The following CYP19A1 variants were observed in gnomAD, a reference collection of about 807,000 sequenced individuals.
The protein encoded by CYP19A1 is aromatase.
CYP19A1 carries 32 observed loss-of-function variants against 44.4 expected under a neutral mutation model. That is an observed-to-expected ratio of 0.72 (90% confidence interval 0.54 to 0.97). The LOEUF (loss-of-function observed/expected upper bound fraction) is 0.97. Among genes scored for constraint, CYP19A1 ranks in the 50% least tolerant of loss-of-function variants. The pLI is 0.00. For missense variants in CYP19A1, 598 were observed against 637.8 expected, an observed-to-expected ratio of 0.94 and a Z score of 0.67; for synonymous variants, 212 against 215.6, an observed-to-expected ratio of 0.98 and a Z score of 0.14.
At chr15:51,235,075 C>A (rs1439750215) in intron 3 of CYP19A1, among the ~76,000 whole-genome samples, 1 of 152,192 alleles carries the variant, frequency 6.6e-6, no homozygotes, top group Non-Finnish European at 1.5e-5. Context: ...TACCCCCAAA[C>A]CCAAACACCA....
At chr15:51,245,974 C>T (rs1255319161) in intron 1 of CYP19A1, among the ~76,000 whole-genome samples, 19 of 152,302 alleles carry the variant, frequency 1.2e-4, no homozygotes, top group Admixed American at 1.2e-3. Flanking sequence ...GGGATTTAGT[C>T]CCCACATTCA....
At chr15:51,284,396 C>A (rs150497524) in intron 1 of CYP19A1, among the ~76,000 whole-genome samples, 1 of 152,280 alleles carries the variant, frequency 6.6e-6, no homozygotes, top group East Asian at 1.9e-4. Context: ...GCGTAGGAAC[C>A]GCCTCAGAGG....
rs1159870053 is a variant in CYP19A1 at position 51,297,817 on chromosome 15, GACACACACAC to G, written c.-39+40668_-39+40677del. Among the ~76,000 whole-genome samples the G allele has an allele frequency of 4.1e-3, 455 of 111,788 alleles. 2 individuals carry two copies. Among genetic ancestry groups the G allele is most frequent in the Admixed American group, 4.7e-3 (52 of 11,022 alleles). The allele number at this position is 111,788 out of a possible 152,430, so 73.3% of individuals were successfully genotyped here. ...TTCTGGAGAGATTCACTGTAGGCAT[GACACACACAC>G]ACACACACACACACACACACACACA... On this transcript the variant is annotated intron_variant, in intron 1 of 9. Transcript: ENST00000396402.
chr15:51,223,571 G>GCT (rs763852095), intron 4 of CYP19A1, among the ~76,000 whole-genome samples: 2,009 of 110,578 alleles, frequency 0.018, 39 homozygotes, highest in Non-Finnish European at 0.023. Flanking sequence ...TCTCTCTCTT[G>GCT]CTCTCTCTCT....
At chr15:51,284,004 G>T (rs887452329) in intron 1 of CYP19A1, among the ~76,000 whole-genome samples, 2 of 152,204 alleles carry the variant, frequency 1.3e-5, no homozygotes, top group Admixed American at 1.3e-4. Context: ...TACTTGGAAG[G>T]TCTAGTCTAA....
Position 51,242,752 on chromosome 15 carries a change from T to C in CYP19A1, c.145+16A>G. The stretch of plus-strand genomic sequence containing the variant: ...TAAATAATCTCCTTAGATACAGAAA[T>C]AAATGACTGACTTACCTGGTATTGA... On this transcript the variant is annotated intron_variant, in intron 2 of 9. Coordinates refer to ENST00000396402, the MANE Select transcript of CYP19A1 (RefSeq NM_000103.4). 1 of 1,491,612 alleles carries C rather than the reference T, an allele frequency of 6.7e-7. No individual in the cohort carries two copies. Among genetic ancestry groups the C allele is most frequent in the Non-Finnish European group, 9.4e-7 (1 of 1,068,550 alleles). 92.4% of individuals were successfully genotyped at this position (1,491,612 alleles called of 1,614,324 possible). A position where few individuals can be genotyped will look rare whatever the true frequency, so the allele number is the denominator to read the frequency against.
intron 3 of CYP19A1, among the ~76,000 whole-genome samples, chr15:51,233,524 G>C (rs925925121): frequency 4.6e-5 from 7 of 152,144 alleles, no homozygotes; most frequent in African/African-American, 1.4e-4. Flanking sequence ...AGCCAATAAT[G>C]ACTATTACAA....
At position 51,259,140 on chromosome 15, in the gene CYP19A1, G is replaced by A. The variant is rs1595730300; in HGVS notation, c.-38-16190C>T. ...GATACGTCATTACAGGAGACAACAA[G>A]TAGGAAAGCACTGAGAGAATTGTGA... On this transcript the variant is annotated intron_variant, in intron 1 of 9. Coordinates refer to ENST00000396402, the MANE Select transcript of CYP19A1 (RefSeq NM_000103.4). 2.0e-5 allele frequency among the ~76,000 whole-genome samples: 3 copies of A among 152,312 alleles called. No homozygotes were observed. In the South Asian group the frequency reaches 6.2e-4, roughly 32 times the overall value.
At chr15:51,285,861 T>C (rs1001672093) in intron 1 of CYP19A1, among the ~76,000 whole-genome samples, 1 of 152,208 alleles carries the variant, frequency 6.6e-6, no homozygotes. Context: ...TGTTTTCTCA[T>C]TCCTTTGACT....
Position 51,236,846 on chromosome 15 carries a change from T to A in CYP19A1, c.296+13A>T. On this transcript the variant is annotated intron_variant, in intron 3 of 9. Coordinates refer to ENST00000396402, the MANE Select transcript of CYP19A1 (RefSeq NM_000103.4). ...GATTTAAAAAGTATGTCTTCGATTA[T>A]GAACAGACTCACTTGCTGATAATGA... 1 of 1,614,096 alleles carries A rather than the reference T, an allele frequency of 6.2e-7. No homozygotes were observed. The highest frequency in any genetic ancestry group is 8.5e-7 in the Non-Finnish European group (1 of 1,179,928).
chr15:51,215,821 G>T lies in CYP19A1; in HGVS notation c.744-4C>A. 6.2e-7 allele frequency: 1 copy of T among 1,613,296 alleles called. No homozygotes were observed. Among genetic ancestry groups the T allele is most frequent in the Non-Finnish European group, 8.5e-7 (1 of 1,179,868 alleles). Reference sequence around the variant, plus strand: ...TATGGCATCTTTCAAATCCTTGCTGGAAAAAAAGTCAAAATATTGTCTATT... The same window carrying T: ...TATGGCATCTTTCAAATCCTTGCTGTAAAAAAAGTCAAAATATTGTCTATT... On this transcript the variant is annotated splice_polypyrimidine_tract_variant and splice_region_variant and intron_variant, in intron 6 of 9. Transcript: ENST00000396402.
rs143386224 is a variant in CYP19A1, at chr15:51,242,889, C to T, written c.24G>A (p.Pro8=). ...CGATGCTGGTGATGTTATAATGTAT[C>T]GGGTTCAGCATTTCCAAAACCATCT... MVLEMLN[P]IHYNITSIVP... is the part of the protein sequence containing the mutation. The change falls in exon 2 of 10, where the codon CCG becomes CCA. Residue 8 remains proline (P), a synonymous_variant. Coordinates refer to ENST00000396402, the MANE Select transcript of CYP19A1 (RefSeq NM_000103.4). 48 of 1,610,758 alleles carry T rather than the reference C, an allele frequency of 3.0e-5. No individual in the cohort carries two copies. Among genetic ancestry groups the T allele is most frequent in the Middle Eastern group, 1.7e-4 (1 of 6,052 alleles).
At chr15:51,310,500 C>G (rs1183119554) in intron 1 of CYP19A1, among the ~76,000 whole-genome samples, 7 of 152,116 alleles carry the variant, frequency 4.6e-5, no homozygotes, top group African/African-American at 1.7e-4. Context: ...CTTTTTTTCT[C>G]TCTCAGCTTG....
chr15:51,240,667 A>T (rs2033702263), intron 2 of CYP19A1, among the ~76,000 whole-genome samples: 1 of 152,166 alleles, frequency 6.6e-6, no homozygotes, highest in Non-Finnish European at 1.5e-5. Flanking sequence ...CTACTAGTGG[A>T]TTCTAACTAG....
intron 1 of CYP19A1, among the ~76,000 whole-genome samples, chr15:51,322,798 G>A (rs190419811): frequency 1.3e-5 from 2 of 152,306 alleles, no homozygotes; most frequent in East Asian, 3.9e-4. Flanking sequence ...GCTGGATTCA[G>A]CACCTCTCAG....
intron 1 of CYP19A1, among the ~76,000 whole-genome samples, chr15:51,259,548 G>A (rs1335402341): frequency 6.6e-6 from 1 of 152,168 alleles, no homozygotes; most frequent in African/African-American, 2.4e-5. Context: ...AGGTGGCTAA[G>A]GAAGGGTCAG....
At chr15:51,267,627 C>T (rs749969485) in intron 1 of CYP19A1, among the ~76,000 whole-genome samples, 56 of 152,364 alleles carry the variant, frequency 3.7e-4, no homozygotes, top group Non-Finnish European at 6.5e-4. Context: ...ACGCAGGAGA[C>T]GCGACCGGGG....
chr15:51,330,957 C>G (rs1055221292), intron 1 of CYP19A1, among the ~76,000 whole-genome samples: 1 of 151,988 alleles, frequency 6.6e-6, no homozygotes, highest in African/African-American at 2.4e-5. Flanking sequence ...ATGGCCGTGA[C>G]GTGGCGAATG....
chr15:51,307,289 A>T (rs1217514565), intron 1 of CYP19A1, among the ~76,000 whole-genome samples: 1 of 152,230 alleles, frequency 6.6e-6, no homozygotes, highest in Non-Finnish European at 1.5e-5. Flanking sequence ...TTGAACTACT[A>T]TATACAGAAA....
Sources: gnomAD v4.1 joint callset for allele counts (sites outside exome capture counted in the v4.1 genomes callset) on GRCh38, gnomAD v4.1.1 for gene constraint, MANE v1.5 for transcripts, NCBI Gene and HGNC (gene_info 2026-07-23, HGNC 2026-07-21) for gene names.